Variants in GOLGB1 observed in about 807,000 individuals in gnomAD.
GOLGB1 encodes golgin subfamily B member 1.
Under a neutral mutation model 336.9 loss-of-function variants are expected in GOLGB1, and 174 were observed. That is an observed-to-expected ratio of 0.52 (90% CI 0.46 to 0.59). The LOEUF (loss-of-function observed/expected upper bound fraction) is 0.59, where lower values mean the gene tolerates loss of function less well. Among genes scored for constraint, GOLGB1 ranks in the 20% least tolerant of loss-of-function variants. The pLI, the probability that GOLGB1 is intolerant of heterozygous loss-of-function variation, is 0.00. For synonymous variants in GOLGB1, 1,208 were observed against 1,289.2 expected (o/e 0.94, Z 1.35); for missense variants, 3,331 against 3,645.3 (o/e 0.91, Z 2.22).
chr3:121,665,570 A>C (rs1480682398), intron 20 of GOLGB1, among the ~76,000 whole-genome samples: 2 of 152,248 alleles, frequency 1.3e-5, no homozygotes, highest in Non-Finnish European at 2.9e-5. Flanking sequence ...AAAAAAATTA[A>C]ATTGAATTGG....
chr3:121,734,675 T>C (rs1372533651), intron 1 of GOLGB1, among the ~76,000 whole-genome samples: 1 of 152,210 alleles, frequency 6.6e-6, no homozygotes, highest in Non-Finnish European at 1.5e-5. Context: ...ATCTACCTAT[T>C]AGAATTGCTA....
chr3:121,693,109 G>C (rs1475095735), intron 13 of GOLGB1, among the ~76,000 whole-genome samples: 1 of 152,164 alleles, frequency 6.6e-6, no homozygotes, highest in African/African-American at 2.4e-5. Flanking sequence ...GTGGACTAAA[G>C]GAAGAAGAAA....
At chr3:121,703,474 A>G (rs1943569083) in intron 10 of GOLGB1, among the ~76,000 whole-genome samples, 1 of 152,222 alleles carries the variant, frequency 6.6e-6, no homozygotes. Context: ...ATCAGAGAGA[A>G]GAAAAAGAGT....
chr3:121,704,544 G>A (rs537351898), intron 10 of GOLGB1, among the ~76,000 whole-genome samples: 3 of 152,232 alleles, frequency 2.0e-5, no homozygotes, highest in Admixed American at 6.5e-5. Flanking sequence ...TTGGGAGGGC[G>A]AGGCAGGTGG....
intron 1 of GOLGB1, among the ~76,000 whole-genome samples, chr3:121,747,961 A>G (rs1947482550): frequency 6.6e-6 from 1 of 152,154 alleles, no homozygotes; most frequent in South Asian, 2.1e-4. Flanking sequence ...GATCAGTGGT[A>G]TTCCTAATAG....
chr3:121,695,090 G>A lies in GOLGB1; in HGVS notation c.5433C>T (p.Ser1811=), dbSNP rs763177303. Residue 1811 remains serine, a synonymous_variant, in exon 13 of 22, where the codon AGC becomes AGT. Transcript: ENST00000614479. ...CCGATTCTGAACATGTAGGTCTTGT[G>A]CTCATACTCAGAGAGTCTTGCTCTT... ...ETEEQDSLSM[S]TRPTCSESVP... 93 of 1,613,696 alleles carry A rather than the reference G, an allele frequency of 5.8e-5. No homozygotes were observed. The highest frequency in any genetic ancestry group is 7.4e-5 in the Non-Finnish European group (87 of 1,179,986).
At chr3:121,670,197 G>C (rs921503906) in intron 17 of GOLGB1, among the ~76,000 whole-genome samples, 4 of 152,212 alleles carry the variant, frequency 2.6e-5, no homozygotes, top group Non-Finnish European at 5.9e-5. Flanking sequence ...CAAGTTTTAA[G>C]TTTTAGCTGT....
chr3:121,691,112 C>A lies in GOLGB1; in HGVS notation c.8252G>T (p.Ser2751Ile). The A allele has an allele frequency of 6.2e-7, 1 of 1,614,068 alleles. No individual in the cohort carries two copies. The highest frequency in any genetic ancestry group is 8.5e-7 in the Non-Finnish European group (1 of 1,180,026). Residue 2751 changes from serine to isoleucine, a missense_variant, in exon 14 of 22, where the codon AGT becomes ATT. Transcript: ENST00000614479. ...AAGTTCCTCATTGGCATGATCTCTA[C>A]TATTTTGCAAGGAACTCATAGACCT... ...FGRSMSSLQNSRDHANEELDE... is the reference protein window; with the variant it reads ...FGRSMSSLQNIRDHANEELDE...
chr3:121,695,542 T>C lies in GOLGB1; in HGVS notation c.4981A>G (p.Asn1661Asp), dbSNP rs1560230589. ...AACTGCTTTTCTGTCTCCTTCTTGTTTGCCTCTGTGCTTCTTAACTTGCCA... is the reference window on the plus strand; with the variant it reads ...AACTGCTTTTCTGTCTCCTTCTTGTCTGCCTCTGTGCTTCTTAACTTGCCA... ...LYGKLRSTEA[N>D]KKETEKQLQE... Residue 1661 changes from asparagine (N) to aspartate (D), a missense_variant, in exon 13 of 22, where the codon AAC becomes GAC. Transcript: ENST00000614479. The C allele has an allele frequency of 1.2e-6, 2 of 1,614,150 alleles. No individual in the cohort carries two copies. Among genetic ancestry groups the C allele is most frequent in the Non-Finnish European group, 8.5e-7 (1 of 1,180,018 alleles).
intron 14 of GOLGB1, among the ~76,000 whole-genome samples, chr3:121,682,966 G>A (rs1459233603): frequency 6.6e-6 from 1 of 151,676 alleles, no homozygotes; most frequent in Non-Finnish European, 1.5e-5. Context: ...AGGCACCTCT[G>A]GAAAAGATGG....
chr3:121,735,199 A>G (rs1946395858), intron 1 of GOLGB1, among the ~76,000 whole-genome samples: 1 of 152,202 alleles, frequency 6.6e-6, no homozygotes, highest in African/African-American at 2.4e-5. Context: ...GTTCTGTATG[A>G]TCTTGAAGTA....
chr3:121,688,420 G>A (rs938307815), intron 14 of GOLGB1, among the ~76,000 whole-genome samples: 1 of 152,252 alleles, frequency 6.6e-6, no homozygotes, highest in African/African-American at 2.4e-5. Flanking sequence ...GCTCCTAACC[G>A]CGAGTGATCC....
chr3:121,667,288 A>T (rs1938757052), intron 20 of GOLGB1, among the ~76,000 whole-genome samples, 188 bp downstream of exon 20: 1 of 152,218 alleles, frequency 6.6e-6, no homozygotes, highest in African/African-American at 2.4e-5. Context: ...GTTTTAGAAA[A>T]CACTGACTCT....
Position 121,692,722 on chromosome 3 carries a change from G to T in GOLGB1, c.6783-141C>A, listed in dbSNP as rs554466172. 5.3e-6 allele frequency: 3 copies of T among 565,816 alleles called. No individual in the cohort carries two copies. The East Asian group carries it at 8.7e-5, about 16-fold the overall frequency. 35.0% of individuals were successfully genotyped at this position (565,816 alleles called of 1,614,324 possible). On this transcript the variant is annotated intron_variant, in intron 13 of 21. Coordinates refer to ENST00000614479, the MANE Select transcript of GOLGB1 (RefSeq NM_001366282.2). ...AGGTGTTAAATATTTTACTGAAGAG[G>T]TATTAATTCTCTGCACCTACATGTT...
In GOLGB1 at chr3:121,695,280, T is replaced by C. The variant is rs757481487; in HGVS notation, c.5243A>G (p.Gln1748Arg). ...AGAGTCTTTCTCAGACATTAAAGAC[T>C]GAAACTTCTTAGAAAGGGTTTCATA... ...MEYETLSKKF[Q>R]SLMSEKDSLS... Residue 1748 changes from glutamine to arginine, a missense_variant, in exon 13 of 22, where the codon CAG (glutamine) becomes CGG (arginine). By Grantham distance (43) the Gln-to-Arg change is conservative. Transcript: ENST00000614479. 1 of 1,614,016 alleles carries C rather than the reference T, an allele frequency of 6.2e-7. No individual in the cohort carries two copies. Among genetic ancestry groups the C allele is most frequent in the Non-Finnish European group, 8.5e-7 (1 of 1,179,920 alleles).
At position 121,675,011 on chromosome 3, in the gene GOLGB1, TA is replaced by T. The variant is rs2107615138; in HGVS notation, c.9177+1881del. ...CCACCGCGCCCGGCTAATTTTTTTG[TA>T]TTTTTAGTAGAGACGGGGTTTCACC... On this transcript the variant is annotated intron_variant, in intron 17 of 21. Transcript: ENST00000614479. Among the ~76,000 whole-genome samples the T allele has an allele frequency of 1.3e-5, 2 of 151,704 alleles. 1 individual carries two copies. Among genetic ancestry groups the T allele is most frequent in the South Asian group, 4.2e-4 (2 of 4,786 alleles).
chr3:121,685,515 C>T (rs1006887024), intron 14 of GOLGB1, among the ~76,000 whole-genome samples: 21 of 151,602 alleles, frequency 1.4e-4, no homozygotes, highest in African/African-American at 5.1e-4. Flanking sequence ...AGCCTGGCAA[C>T]AGAGCGAGAC....
chr3:121,698,655 G>A lies in GOLGB1; in HGVS notation c.1868C>T (p.Thr623Ile). The change falls in exon 13 of 22, where the codon ACA becomes ATA. Residue 623 changes from threonine to isoleucine, a missense_variant. Transcript: ENST00000614479. ...PIKMKVFLED[T>I]GQDFPLMPNE... The stretch of plus-strand genomic sequence containing the variant: ...TGGCATTAAGGGAAAATCTTGCCCT[G>A]TATCTTCAAGAAATACTTTCATTTT... 11 of 1,613,788 alleles carry A rather than the reference G, an allele frequency of 6.8e-6. No homozygotes were observed. Among genetic ancestry groups the A allele is most frequent in the African/African-American group, 1.3e-5 (1 of 75,002 alleles).
At chr3:121,733,692 G>C (rs1179198307) in intron 1 of GOLGB1, among the ~76,000 whole-genome samples, 1 of 152,164 alleles carries the variant, frequency 6.6e-6, no homozygotes, top group Non-Finnish European at 1.5e-5. Context: ...GGCAGCACTG[G>C]TGAAAGCATA....
Sources: gnomAD v4.1 joint callset for allele counts (sites outside exome capture counted in the v4.1 genomes callset) on GRCh38, gnomAD v4.1.1 for gene constraint, MANE v1.5 for transcripts, NCBI Gene and HGNC (gene_info 2026-07-23, HGNC 2026-07-21) for gene names.